The following HECW1 variants were observed in gnomAD, a reference collection of about 807,000 sequenced individuals.
HECW1 encodes the protein E3 ubiquitin-protein ligase HECW1.
A neutral mutation model predicts 182.3 loss-of-function variants in HECW1; 61 were observed. The observed-to-expected ratio is 0.33, with a 90% CI of 0.27 to 0.41. The LOEUF (loss-of-function observed/expected upper bound fraction) is 0.41, where lower values mean the gene tolerates loss of function less well. HECW1 is among the 10% of genes least tolerant of loss of function. The pLI is 1.00. For synonymous variants in HECW1, 859 were observed against 832.6 expected (o/e 1.03, Z -0.55); for missense variants, 1,739 against 2,108.9 (o/e 0.82, Z 3.44).
chr7:43,154,589 G>A (rs563095521), intron 2 of HECW1, among the ~76,000 whole-genome samples: 30 of 152,260 alleles, frequency 2.0e-4, no homozygotes, highest in African/African-American at 7.2e-4. Flanking sequence ...TTTGTTTGTG[G>A]GGGTAAATAG....
intron 2 of HECW1, among the ~76,000 whole-genome samples, chr7:43,186,202 G>T (rs1214222098): frequency 3.3e-5 from 5 of 152,164 alleles, no homozygotes; most frequent in African/African-American, 9.7e-5. Flanking sequence ...ACCCCTACAT[G>T]ATTTATTTGC....
intron 16 of HECW1, among the ~76,000 whole-genome samples, chr7:43,471,593 G>T (rs895102565): frequency 3.3e-5 from 5 of 152,220 alleles, no homozygotes; most frequent in African/African-American, 1.2e-4. Flanking sequence ...GAACACGCTG[G>T]CATCTGACTC....
rs945355561 is a variant in HECW1 at position 43,312,039 on chromosome 7, A to G, written c.304A>G (p.Ile102Val). 6.2e-7 allele frequency: 1 copy of G among 1,614,144 alleles called. No homozygotes were observed. Among genetic ancestry groups the G allele is most frequent in the African/African-American group, 1.3e-5 (1 of 74,944 alleles). ...HSQDLVIHWD[I>V]KEEVDAGDWI... The stretch of plus-strand genomic sequence containing the variant: ...TCAGGACCTGGTCATCCACTGGGAC[A>G]TAAAGGAGGAAGTGGACGCTGGGGA... The change falls in exon 4 of 30, where the codon ATA (isoleucine) becomes GTA (valine). Residue 102 changes from isoleucine (I) to valine (V), a missense_variant. By Grantham distance (29) the Ile-to-Val change is conservative. Transcript: ENST00000395891.
intron 2 of HECW1, among the ~76,000 whole-genome samples, chr7:43,176,573 C>CAATAGATGAA (rs1387138476): frequency 3.3e-5 from 5 of 152,158 alleles, no homozygotes; most frequent in Non-Finnish European, 5.9e-5. Flanking sequence ...GGGGGGCTCA[C>CAATAGATGAA]AATAGATGGT....
chr7:43,405,544 G>C (rs926372556), intron 7 of HECW1, among the ~76,000 whole-genome samples: 3 of 152,114 alleles, frequency 2.0e-5, no homozygotes, highest in African/African-American at 7.2e-5. Flanking sequence ...TGTCTACCAG[G>C]GAAGCTTCTT....
At chr7:43,538,073 C>A (rs775988964) in intron 24 of HECW1, among the ~76,000 whole-genome samples, 22 of 152,322 alleles carry the variant, frequency 1.4e-4, no homozygotes, top group Admixed American at 1.3e-4. Flanking sequence ...TCCCTGGTTG[C>A]TCATGATTGA....
chr7:43,453,983 T>C (rs2152886694), intron 12 of HECW1, among the ~76,000 whole-genome samples: 1 of 152,356 alleles, frequency 6.6e-6, no homozygotes, highest in East Asian at 1.9e-4. Context: ...TGAATACATA[T>C]GAGTATATAA....
intron 14 of HECW1, among the ~76,000 whole-genome samples, chr7:43,464,829 G>A (rs1236377912): frequency 6.6e-6 from 1 of 152,066 alleles, no homozygotes; most frequent in East Asian, 1.9e-4. Flanking sequence ...TGAAGACAGA[G>A]TCTCTCTTTT....
intron 28 of HECW1, among the ~76,000 whole-genome samples, chr7:43,552,794 T>C (rs2081884721): frequency 6.6e-6 from 1 of 152,252 alleles, no homozygotes; most frequent in African/African-American, 2.4e-5. Context: ...CATGTATATA[T>C]AACTCATCAC....
intron 6 of HECW1, among the ~76,000 whole-genome samples, chr7:43,365,802 A>G (rs1816566677): frequency 6.6e-6 from 1 of 152,222 alleles, no homozygotes; most frequent in Non-Finnish European, 1.5e-5. Context: ...TTTGCCAAAG[A>G]ACAAAGAACG....
chr7:43,335,217 T>C (rs1289802909), intron 5 of HECW1, among the ~76,000 whole-genome samples: 1 of 152,208 alleles, frequency 6.6e-6, no homozygotes, highest in African/African-American at 2.4e-5. Context: ...TTACCCTTAC[T>C]GCTAGCCTAA....
chr7:43,391,839 G>A (rs1041457814), intron 6 of HECW1, among the ~76,000 whole-genome samples: 27 of 152,284 alleles, frequency 1.8e-4, no homozygotes, highest in African/African-American at 6.3e-4. Flanking sequence ...GAACATCTCA[G>A]AGATTTGGAG....
chr7:43,485,498 A>T (rs1305630850), intron 17 of HECW1, among the ~76,000 whole-genome samples: 1 of 152,126 alleles, frequency 6.6e-6, no homozygotes, highest in Non-Finnish European at 1.5e-5. Flanking sequence ...GTCACTGTGG[A>T]CATCCTAGAG....
At chr7:43,429,179 G>T (rs1401422042) in intron 8 of HECW1, among the ~76,000 whole-genome samples, 1 of 149,206 alleles carries the variant, frequency 6.7e-6, no homozygotes, top group African/African-American at 2.4e-5. Flanking sequence ...CTGTTTTGTG[G>T]CTGAGGATTC....
intron 2 of HECW1, among the ~76,000 whole-genome samples, chr7:43,131,582 G>T (rs1293416074): frequency 1.3e-5 from 2 of 152,194 alleles, no homozygotes; most frequent in Non-Finnish European, 2.9e-5. Context: ...CAGAACTGAT[G>T]AATCAAAAGG....
chr7:43,303,391 T>C (rs1350239561), intron 3 of HECW1, among the ~76,000 whole-genome samples: 2 of 139,302 alleles, frequency 1.4e-5, no homozygotes, highest in Non-Finnish European at 3.0e-5. Flanking sequence ...TGGGAGGGGA[T>C]GTTCAACCTT....
rs754695529 is a variant in HECW1, at chr7:43,541,853, C to T, written c.4119-16C>T. 1.4e-6 allele frequency: 2 copies of T among 1,448,926 alleles called. No homozygotes were observed. Among genetic ancestry groups the T allele is most frequent in the Non-Finnish European group, 1.8e-6 (2 of 1,097,104 alleles). The allele number at this position is 1,448,926 out of a possible 1,614,324, so 89.8% of individuals were successfully genotyped here. On this transcript the variant is annotated splice_polypyrimidine_tract_variant and intron_variant, in intron 25 of 29. Coordinates refer to ENST00000395891, the MANE Select transcript of HECW1 (RefSeq NM_015052.5). Reference sequence around the variant, plus strand: ...CATTTGTTTGGTAATTTGCCTTTCTCACTGAATTCACCCAGGCCCTGTGAT... The same window carrying T: ...CATTTGTTTGGTAATTTGCCTTTCTTACTGAATTCACCCAGGCCCTGTGAT...
intron 6 of HECW1, among the ~76,000 whole-genome samples, chr7:43,367,965 C>T (rs1435619192): frequency 1.3e-5 from 2 of 152,170 alleles, no homozygotes; most frequent in Admixed American, 6.5e-5. Flanking sequence ...CTGCTTCCAC[C>T]TCTCCAGTCC....
intron 8 of HECW1, among the ~76,000 whole-genome samples, chr7:43,409,922 T>C (rs1167096587): frequency 6.6e-6 from 1 of 152,184 alleles, no homozygotes; most frequent in Non-Finnish European, 1.5e-5. Flanking sequence ...CAGTTAAGGA[T>C]GTATTTGGCT....
Sources: gnomAD v4.1 joint callset for allele counts (sites outside exome capture counted in the v4.1 genomes callset) on GRCh38, gnomAD v4.1.1 for gene constraint, MANE v1.5 for transcripts, NCBI Gene and HGNC (gene_info 2026-07-23, HGNC 2026-07-21) for gene names.